MTCL3: variants seen among roughly 807,000 people sequenced by gnomAD.
The protein encoded by MTCL3 is microtubule cross-linking factor 3.
chr6:127,481,290 C>T, the MTCL3 span: 2 of 985,066 alleles, frequency 2.0e-6, no homozygotes, highest in South Asian at 9.4e-5. Flanking sequence ...TGATTCACAA[C>T]AAAATATTTA....
chr6:127,475,298 T>A, the MTCL3 span: 1 of 1,603,052 alleles, frequency 6.2e-7, no homozygotes, highest in Non-Finnish European at 8.5e-7. The surrounding 1 kb of genome is among the most constrained non-coding windows in gnomAD (Gnocchi z 7.3). Flanking sequence ...TGTACCTGAC[T>A]CACGGAAATG....
At chr6:127,517,095 T>G in the MTCL3 span, among the ~76,000 whole-genome samples, 2 of 152,234 alleles carry the variant, frequency 1.3e-5, no homozygotes, top group African/African-American at 4.8e-5. Flanking sequence ...CTTTTACAAC[T>G]TTGGCTTTCC....
the MTCL3 span, chr6:127,515,442 T>C: frequency 8.8e-6 from 12 of 1,357,160 alleles, no homozygotes; most frequent in East Asian, 3.1e-4. The surrounding 1 kb of genome is among the most constrained non-coding windows in gnomAD (Gnocchi z 4.3). Flanking sequence ...CTCTGATCCC[T>C]GCCGGTACAC....
chr6:127,515,099 C>G, the MTCL3 span: 2 of 1,485,688 alleles, frequency 1.3e-6, no homozygotes, highest in South Asian at 1.1e-5. The surrounding 1 kb of genome is among the most constrained non-coding windows in gnomAD (Gnocchi z 4.3). Flanking sequence ...CCAGCCCTTC[C>G]GACACACACC....
the MTCL3 span, among the ~76,000 whole-genome samples, chr6:127,496,333 G>A: frequency 6.6e-6 from 1 of 152,066 alleles, no homozygotes; most frequent in African/African-American, 2.4e-5. Context: ...AGACAAAAAC[G>A]TAAACACAGT....
the MTCL3 span, chr6:127,476,142 G>C: frequency 1.9e-6 from 3 of 1,614,162 alleles, no homozygotes; most frequent in Non-Finnish European, 8.5e-7. This position sits in a 1 kb window ranked among gnomAD's most constrained non-coding sequence, Gnocchi z 4.4. Context: ...TGGCCGAGCC[G>C]TTGAAGTCAT....
At chr6:127,503,621 T>A in the MTCL3 span, among the ~76,000 whole-genome samples, 1 of 152,226 alleles carries the variant, frequency 6.6e-6, no homozygotes, top group South Asian at 2.1e-4. Context: ...GTTCTTGGGT[T>A]CCTGTCCCCA....
chr6:127,476,156 C>A, the MTCL3 span: 9 of 1,614,168 alleles, frequency 5.6e-6, no homozygotes, highest in East Asian at 1.8e-4. This position sits in a 1 kb window ranked among gnomAD's most constrained non-coding sequence, Gnocchi z 4.4. Flanking sequence ...AAGTCATCGC[C>A]CCTAAGGTCG....
the MTCL3 span, among the ~76,000 whole-genome samples, chr6:127,480,777 T>C: frequency 6.6e-6 from 1 of 152,138 alleles, no homozygotes; most frequent in African/African-American, 2.4e-5. Flanking sequence ...GGATCGATGG[T>C]TTGCAACCTT....
the MTCL3 span, chr6:127,475,165 A>T: frequency 1.1e-6 from 1 of 943,344 alleles, no homozygotes; most frequent in South Asian, 1.8e-5. The surrounding 1 kb of genome is among the most constrained non-coding windows in gnomAD (Gnocchi z 7.3). Context: ...TTCAGGCCCC[A>T]GCGCGGCCCT....
the MTCL3 span, among the ~76,000 whole-genome samples, chr6:127,502,335 A>C: frequency 6.6e-6 from 1 of 152,348 alleles, no homozygotes; most frequent in Middle Eastern, 3.4e-3. Flanking sequence ...GATATTTAAC[A>C]GGACAAATCA....
the MTCL3 span, among the ~76,000 whole-genome samples, chr6:127,502,274 A>G: frequency 6.6e-6 from 1 of 152,130 alleles, no homozygotes; most frequent in African/African-American, 2.4e-5. Context: ...TTTCTCTGCT[A>G]CTCTGTTTCT....
the MTCL3 span, chr6:127,481,496 G>A: frequency 3.0e-6 from 3 of 984,486 alleles, no homozygotes; most frequent in South Asian, 4.7e-5. Context: ...AACAGAGCAG[G>A]AACAGAGCAG....
the MTCL3 span, chr6:127,476,126 G>A: frequency 6.2e-7 from 1 of 1,614,162 alleles, no homozygotes; most frequent in Non-Finnish European, 8.5e-7. The surrounding 1 kb of genome is among the most constrained non-coding windows in gnomAD (Gnocchi z 4.4). Flanking sequence ...TCCCTCATGA[G>A]CGGGTTGGCC....
At chr6:127,498,281 T>C in the MTCL3 span, among the ~76,000 whole-genome samples, 6 of 152,156 alleles carry the variant, frequency 3.9e-5, no homozygotes, top group African/African-American at 1.2e-4. Flanking sequence ...AGGCTAAACA[T>C]TGTGAATAGA....
the MTCL3 span, among the ~76,000 whole-genome samples, chr6:127,509,321 TC>T: frequency 2.0e-5 from 3 of 152,168 alleles, no homozygotes; most frequent in Admixed American, 2.0e-4. Context: ...CTCCATCCTC[TC>T]AGGGGGAGAA....
the MTCL3 span, among the ~76,000 whole-genome samples, chr6:127,511,431 G>T: frequency 6.6e-6 from 1 of 151,884 alleles, no homozygotes; most frequent in Non-Finnish European, 1.5e-5. Flanking sequence ...TTTCATATTT[G>T]ATCTTTTAAC....
chr6:127,496,783 A>G, the MTCL3 span, among the ~76,000 whole-genome samples: 1 of 152,212 alleles, frequency 6.6e-6, no homozygotes, highest in South Asian at 2.1e-4. Context: ...ACACAGATGA[A>G]TGAATAGATA....
At chr6:127,514,718 G>T in the MTCL3 span, 1 of 846,826 alleles carries the variant, frequency 1.2e-6, no homozygotes, top group East Asian at 2.7e-5. Flanking sequence ...TGTCCCTAAG[G>T]CTCCTTGCCA....
Sources: allele counts gnomAD v4.1 joint callset (sites outside exome capture counted in the v4.1 genomes callset), GRCh38; gene constraint gnomAD v4.1.1; non-coding constraint Gnocchi (gnomAD v3.1); transcripts MANE v1.5; gene names NCBI Gene and HGNC (gene_info 2026-07-23, HGNC 2026-07-21).